The following CNTN5 variants were observed in gnomAD, a reference collection of about 807,000 sequenced individuals.
CNTN5 encodes the protein contactin 5, also known as contactin-5.
In CNTN5, 77 loss-of-function variants were observed where a neutral mutation model predicts 129.1. The observed-to-expected ratio is 0.60, with a 90% CI of 0.50 to 0.72. The LOEUF (loss-of-function observed/expected upper bound fraction) is 0.72. Ranked by LOEUF, CNTN5 falls within the 30% of genes least tolerant of loss-of-function variation. The pLI, the probability that CNTN5 is intolerant of heterozygous loss-of-function variation, is 0.00. For missense variants in CNTN5, 1,478 were observed against 1,328.8 expected (o/e 1.11, Z -1.75); for synonymous variants, 509 against 465.6 (o/e 1.09, Z -1.20).
intron 4 of CNTN5, among the ~76,000 whole-genome samples, chr11:99,829,622 G>T (rs139451335): frequency 1.2e-3 from 179 of 152,286 alleles, no homozygotes; most frequent in African/African-American, 3.8e-3. Context: ...TGTTATTTTG[G>T]ATAATAGCTT....
Position 99,042,669 on chromosome 11 carries a change from C to A in CNTN5, c.-210+21399C>A, listed in dbSNP as rs560879808. On this transcript the variant is annotated intron_variant, in intron 1 of 24. Transcript: ENST00000524871. ...GGATTACAGGCGTGAGCCACCGCGCCCGGCCACCTCCCTTCTTTAAACTCT... is the reference window on the plus strand; with the variant it reads ...GGATTACAGGCGTGAGCCACCGCGCACGGCCACCTCCCTTCTTTAAACTCT... Among the ~76,000 whole-genome samples the A allele has an allele frequency of 5.3e-5, 8 of 152,134 alleles. No individual in the cohort carries two copies. In the East Asian group the frequency reaches 1.5e-3, roughly 29 times the overall value.
chr11:99,515,212 A>T (rs1476512277), intron 2 of CNTN5, among the ~76,000 whole-genome samples: 5 of 152,100 alleles, frequency 3.3e-5, no homozygotes, highest in Non-Finnish European at 7.4e-5. Context: ...AGAGAGATTA[A>T]CACTGCTGAA....
chr11:99,250,478 A>T (rs1862040925), intron 1 of CNTN5, among the ~76,000 whole-genome samples: 1 of 151,982 alleles, frequency 6.6e-6, no homozygotes, highest in South Asian at 2.1e-4. Flanking sequence ...GCCTCTTGGT[A>T]TGTTTGACAG....
At chr11:99,769,018 TTCTTTTC>T (rs140270362) in intron 3 of CNTN5, among the ~76,000 whole-genome samples, 23,397 of 152,024 alleles carry the variant, frequency 0.15, 1,861 homozygotes, top group Non-Finnish European at 0.17. Context: ...TGTTTAAAAG[TTCTTTTC>T]TCTTTTCTAT....
chr11:99,736,012 TC>T (rs1943695401), intron 3 of CNTN5, among the ~76,000 whole-genome samples: 3 of 147,720 alleles, frequency 2.0e-5, no homozygotes, highest in Non-Finnish European at 4.5e-5. Context: ...TCTTTTTCTT[TC>T]TCTTTTTTTT....
At chr11:99,033,524 G>C (rs983578650) in intron 1 of CNTN5, among the ~76,000 whole-genome samples, 96 of 152,184 alleles carry the variant, frequency 6.3e-4, no homozygotes, top group African/African-American at 2.2e-3. Flanking sequence ...TATTCTCTTT[G>C]AAGCAATTGT....
At chr11:100,285,784 T>G (rs1950769109) in intron 18 of CNTN5, among the ~76,000 whole-genome samples, 1 of 152,244 alleles carries the variant, frequency 6.6e-6, no homozygotes, top group Non-Finnish European at 1.5e-5. Context: ...AGCTCCGGTC[T>G]ACAGCTCCCA....
At chr11:99,709,730 A>G (rs1480752280) in intron 3 of CNTN5, among the ~76,000 whole-genome samples, 2 of 151,814 alleles carry the variant, frequency 1.3e-5, no homozygotes, top group African/African-American at 4.8e-5. Flanking sequence ...TTTGAAAAGG[A>G]TTCATTAAGG....
chr11:99,718,982 A>G (rs1452022211), intron 3 of CNTN5, among the ~76,000 whole-genome samples: 1 of 152,108 alleles, frequency 6.6e-6, no homozygotes, highest in Non-Finnish European at 1.5e-5. Flanking sequence ...TAAAGAAAAA[A>G]TGATAGAGTG....
chr11:99,318,544 A>AT (rs111266538), intron 1 of CNTN5, among the ~76,000 whole-genome samples: 8,917 of 148,524 alleles, frequency 0.06, 332 homozygotes, highest in Middle Eastern at 0.095. Context: ...TTTGAGAATT[A>AT]TTTTTTTTTT....
intron 2 of CNTN5, among the ~76,000 whole-genome samples, chr11:99,498,722 T>C (rs1248303352): frequency 6.6e-6 from 1 of 152,126 alleles, no homozygotes; most frequent in Non-Finnish European, 1.5e-5. Context: ...ACATAAGCTA[T>C]TAGGGAAAAA....
In CNTN5 at chr11:99,774,494, TAA is replaced by T. The variant is rs5794022; in HGVS notation, c.56-45038_56-45037del. 1.8e-3 allele frequency among the ~76,000 whole-genome samples: 259 copies of T among 145,096 alleles called. 1 individual carries two copies. In the East Asian group the frequency reaches 0.032, roughly 18 times the overall value. On this transcript the variant is annotated intron_variant, in intron 3 of 24. Transcript: ENST00000524871. ...TTTTTTAAGAAATTCATAGGAGAAGTAAAAAAAAAAAAATGCTCTGTTACAGA... is the reference window on the plus strand; with the variant it reads ...TTTTTTAAGAAATTCATAGGAGAAGTAAAAAAAAAAATGCTCTGTTACAGA...
At chr11:99,631,717 G>GACACAC (rs71949031) in intron 3 of CNTN5, among the ~76,000 whole-genome samples, 5 of 151,166 alleles carry the variant, frequency 3.3e-5, no homozygotes, top group Non-Finnish European at 3.0e-5. Flanking sequence ...CACACACAAA[G>GACACAC]ACACACACAT....
At chr11:100,030,166 G>A (rs569029768) in intron 9 of CNTN5, among the ~76,000 whole-genome samples, 15 of 151,852 alleles carry the variant, frequency 9.9e-5, no homozygotes, top group African/African-American at 3.6e-4. Context: ...CTTGAGGCCT[G>A]GCGTTCAAGA....
chr11:99,470,115 G>A (rs1290328028), intron 2 of CNTN5, among the ~76,000 whole-genome samples: 1 of 152,108 alleles, frequency 6.6e-6, no homozygotes, highest in Non-Finnish European at 1.5e-5. Context: ...TTCTCTGTCA[G>A]TTCGTTAGAG....
At chr11:100,329,798 AC>A (rs1279380139) in intron 21 of CNTN5, among the ~76,000 whole-genome samples, 2 of 152,164 alleles carry the variant, frequency 1.3e-5, no homozygotes, top group African/African-American at 4.8e-5. Context: ...TCAAGGGAGC[AC>A]CCCATAGGAC....
intron 6 of CNTN5, among the ~76,000 whole-genome samples, chr11:99,874,191 T>G (rs11601049): frequency 0.25 from 37,980 of 152,136 alleles, 4,876 homozygotes; most frequent in East Asian, 0.41. Context: ...CACATGTAGC[T>G]CCCGAAGCTA....
chr11:99,824,260 T>A (rs1946886048), intron 4 of CNTN5, among the ~76,000 whole-genome samples: 2 of 152,018 alleles, frequency 1.3e-5, no homozygotes, highest in Admixed American at 1.3e-4. Flanking sequence ...GTATAGGTGT[T>A]CGTATTTCTC....
intron 7 of CNTN5, among the ~76,000 whole-genome samples, chr11:99,927,346 C>T (rs1950085516): frequency 6.6e-6 from 1 of 152,126 alleles, no homozygotes; most frequent in Non-Finnish European, 1.5e-5. Context: ...TCTGTGAATT[C>T]AAACCCTATG....
Sources: allele counts gnomAD v4.1 joint callset (sites outside exome capture counted in the v4.1 genomes callset), GRCh38; gene constraint gnomAD v4.1.1; transcripts MANE v1.5; gene names NCBI Gene and HGNC (gene_info 2026-07-23, HGNC 2026-07-21).